GALNT13: variants seen among roughly 807,000 people sequenced by gnomAD.
GALNT13 encodes the protein UDP-GalNAc:polypeptide N-acetylgalactosaminyltransferase 13.
GALNT13 carries 28 observed loss-of-function variants against 64.2 expected under a neutral mutation model. The ratio of observed to expected loss-of-function variants is 0.44; its 90% CI spans 0.32 to 0.60. The LOEUF (loss-of-function observed/expected upper bound fraction) is 0.60, where lower values mean the gene tolerates loss of function less well. GALNT13 is among the 20% of genes least tolerant of loss of function. The pLI is 0.05. For synonymous variants in GALNT13, 214 were observed against 224.6 expected, an observed-to-expected ratio of 0.95 and a Z score of 0.42; for missense variants, 577 against 669.8, an observed-to-expected ratio of 0.86 and a Z score of 1.53.
chr2:153,635,124 C>T, the GALNT13 span, among the ~76,000 whole-genome samples: 1 of 151,926 alleles, frequency 6.6e-6, no homozygotes, highest in African/African-American at 2.4e-5. Flanking sequence ...CTAAGAAAGG[C>T]AAATGGAGGT....
chr2:153,116,739 C>T, the GALNT13 span, among the ~76,000 whole-genome samples: 1 of 150,926 alleles, frequency 6.6e-6, no homozygotes, highest in South Asian at 2.1e-4. Context: ...AGTGTACAGC[C>T]TCATAAAAAT....
the GALNT13 span, among the ~76,000 whole-genome samples, chr2:153,780,152 C>T: frequency 6.7e-6 from 1 of 149,916 alleles, no homozygotes; most frequent in Admixed American, 6.7e-5. Flanking sequence ...TGGTTCCATA[C>T]AGCTTTTATC....
intron 3 of GALNT13, among the ~76,000 whole-genome samples, chr2:153,997,797 C>G (rs780452362): frequency 2.6e-5 from 4 of 152,080 alleles, no homozygotes; most frequent in Admixed American, 6.5e-5. Flanking sequence ...TTCCCTAGCC[C>G]CCGAGCCCCC....
intron 4 of GALNT13, among the ~76,000 whole-genome samples, chr2:154,205,431 A>G (rs1347211387): frequency 1.3e-5 from 2 of 152,208 alleles, no homozygotes. Flanking sequence ...AAATATATAC[A>G]TTTAGTAGAA....
chr2:154,184,937 T>C (rs1686171714), intron 4 of GALNT13, among the ~76,000 whole-genome samples: 1 of 152,182 alleles, frequency 6.6e-6, no homozygotes, highest in Non-Finnish European at 1.5e-5. Flanking sequence ...ATGGTATACT[T>C]ACCTTTGCCA....
At chr2:153,708,282 T>G in the GALNT13 span, among the ~76,000 whole-genome samples, 5 of 152,146 alleles carry the variant, frequency 3.3e-5, no homozygotes, top group East Asian at 9.6e-4. Flanking sequence ...AATCTCATAG[T>G]CTTCATAGGG....
chr2:153,716,569 AT>A, the GALNT13 span, among the ~76,000 whole-genome samples: 1 of 152,140 alleles, frequency 6.6e-6, no homozygotes, highest in Non-Finnish European at 1.5e-5. Context: ...TGAGTAAGCA[AT>A]AATCTGAATT....
At chr2:153,673,262 G>T in the GALNT13 span, among the ~76,000 whole-genome samples, 2 of 151,926 alleles carry the variant, frequency 1.3e-5, no homozygotes, top group Non-Finnish European at 2.9e-5. Flanking sequence ...CAAAAAAAGA[G>T]AATTTTAGAA....
At chr2:153,176,084 A>G in the GALNT13 span, among the ~76,000 whole-genome samples, 4 of 152,212 alleles carry the variant, frequency 2.6e-5, no homozygotes, top group Non-Finnish European at 5.9e-5. Flanking sequence ...ATATATCTGA[A>G]TGGAAGAACT....
At chr2:153,356,318 A>G in the GALNT13 span, among the ~76,000 whole-genome samples, 1 of 152,298 alleles carries the variant, frequency 6.6e-6, no homozygotes, top group South Asian at 2.1e-4. Flanking sequence ...AAAGGTCAGA[A>G]CTCTTCTCCC....
At chr2:153,261,517 T>G in the GALNT13 span, among the ~76,000 whole-genome samples, 1 of 152,298 alleles carries the variant, frequency 6.6e-6, no homozygotes, top group East Asian at 1.9e-4. Flanking sequence ...CTTCCCTTAC[T>G]TTCCCTCAAA....
chr2:153,564,440 T>A, the GALNT13 span, among the ~76,000 whole-genome samples: 2 of 152,206 alleles, frequency 1.3e-5, no homozygotes, highest in African/African-American at 2.4e-5. Flanking sequence ...TATGAATTTA[T>A]AACCCATATA....
intron 3 of GALNT13, among the ~76,000 whole-genome samples, chr2:154,026,280 AG>A (rs1271384129): frequency 6.6e-6 from 1 of 152,152 alleles, no homozygotes; most frequent in Non-Finnish European, 1.5e-5. Context: ...GGCTGTCAGA[AG>A]GTGAAGGGTA....
chr2:153,221,397 T>C, the GALNT13 span, among the ~76,000 whole-genome samples: 1 of 152,056 alleles, frequency 6.6e-6, no homozygotes, highest in Admixed American at 6.6e-5. Context: ...AGTAAAGTGA[T>C]GGAAAAAAAT....
chr2:154,329,121 T>G (rs1253954767), intron 9 of GALNT13, among the ~76,000 whole-genome samples: 1 of 152,160 alleles, frequency 6.6e-6, no homozygotes, highest in African/African-American at 2.4e-5. Context: ...TTTTTCTTTT[T>G]GTTGAGATGA....
chr2:153,613,806 A>T, the GALNT13 span, among the ~76,000 whole-genome samples: 3 of 151,984 alleles, frequency 2.0e-5, no homozygotes, highest in Non-Finnish European at 2.9e-5. Context: ...ACATGAACTC[A>T]TCCTTTTTTA....
chr2:153,270,189 C>T, the GALNT13 span, among the ~76,000 whole-genome samples: 1 of 152,166 alleles, frequency 6.6e-6, no homozygotes, highest in African/African-American at 2.4e-5. Context: ...CCTTCTTTCA[C>T]TGGGTTTCCA....
At chr2:153,182,278 T>G in the GALNT13 span, among the ~76,000 whole-genome samples, 1 of 152,168 alleles carries the variant, frequency 6.6e-6, no homozygotes, top group African/African-American at 2.4e-5. Context: ...TCTCCTGACC[T>G]TGTGATCCGC....
chr2:154,023,347 A>G (rs752699485), intron 3 of GALNT13, among the ~76,000 whole-genome samples: 14 of 152,254 alleles, frequency 9.2e-5, no homozygotes, highest in Non-Finnish European at 1.9e-4. Flanking sequence ...GTAGGTCACT[A>G]AGGACTTGCT....
Sources: allele counts gnomAD v4.1 joint callset (sites outside exome capture counted in the v4.1 genomes callset), GRCh38; gene constraint gnomAD v4.1.1; transcripts MANE v1.5; gene names NCBI Gene and HGNC (gene_info 2026-07-23, HGNC 2026-07-21).